The following ZFHX3 variants were observed in gnomAD, a reference collection of about 807,000 sequenced individuals.
ZFHX3 encodes zinc finger homeobox protein 3.
Under a neutral mutation model 279.1 loss-of-function variants are expected in ZFHX3, and 42 were observed. That is an observed-to-expected ratio of 0.15 (90% CI 0.12 to 0.19). The LOEUF (loss-of-function observed/expected upper bound fraction) is 0.19. Among genes scored for constraint, ZFHX3 ranks in the 10% least tolerant of loss-of-function variants. The pLI is 1.00. For synonymous variants in ZFHX3, 2,293 were observed against 1,957.8 expected (o/e 1.17, Z -4.52); for missense variants, 4,981 against 4,754.0 (o/e 1.05, Z -1.40).
intron 2 of ZFHX3, among the ~76,000 whole-genome samples, chr16:73,539,528 C>G (rs891142184): frequency 7.0e-6 from 1 of 143,408 alleles, no homozygotes; most frequent in Non-Finnish European, 1.5e-5. Flanking sequence ...ACTCCTTTTC[C>G]CTCTCTGTTT....
At chr16:73,704,121 G>T (rs911913892) in intron 1 of ZFHX3, among the ~76,000 whole-genome samples, 2 of 152,128 alleles carry the variant, frequency 1.3e-5, no homozygotes, top group African/African-American at 4.8e-5. Flanking sequence ...AGGGTGGTAT[G>T]GCCGTAAACA....
chr16:72,928,423 C>T (rs1010400116), intron 3 of ZFHX3, among the ~76,000 whole-genome samples: 2 of 151,840 alleles, frequency 1.3e-5, no homozygotes, highest in South Asian at 2.1e-4. Flanking sequence ...CATGCAAAAG[C>T]GCCCCCACCA....
At chr16:73,697,454 A>G (rs1472460849) in intron 1 of ZFHX3, among the ~76,000 whole-genome samples, 2 of 152,202 alleles carry the variant, frequency 1.3e-5, no homozygotes, top group Non-Finnish European at 2.9e-5. Flanking sequence ...CTTCCCAATT[A>G]TTAATTACAT....
intron 3 of ZFHX3, among the ~76,000 whole-genome samples, chr16:73,342,702 T>C (rs923399457): frequency 6.6e-5 from 10 of 152,036 alleles, no homozygotes; most frequent in Admixed American, 5.2e-4. Flanking sequence ...CTGCAAGAGG[T>C]GGGTAGGTAC....
intron 4 of ZFHX3, among the ~76,000 whole-genome samples, chr16:73,296,069 C>CGTGTGTGT (rs58283675): frequency 4.0e-5 from 6 of 149,084 alleles, no homozygotes; most frequent in Admixed American, 6.7e-5. Context: ...ATTACAATCC[C>CGTGTGTGT]GTGTGTGTGT....
intron 1 of ZFHX3, among the ~76,000 whole-genome samples, chr16:72,982,234 T>C (rs1962637876): frequency 6.6e-6 from 1 of 152,280 alleles, no homozygotes; most frequent in South Asian, 2.1e-4. Flanking sequence ...TCTTTTTAAA[T>C]AGAATGGGAA....
chr16:73,785,421 T>C (rs1305480537), intron 1 of ZFHX3, among the ~76,000 whole-genome samples: 1 of 152,204 alleles, frequency 6.6e-6, no homozygotes, highest in South Asian at 2.1e-4. Context: ...ATTTTTTGTT[T>C]CTCAGAGATA....
intron 2 of ZFHX3, among the ~76,000 whole-genome samples, chr16:73,527,629 A>C (rs1439353860): frequency 1.3e-5 from 2 of 152,194 alleles, no homozygotes; most frequent in Admixed American, 6.5e-5. Flanking sequence ...CTAAGCTACT[A>C]AAAGGCTGTG....
chr16:73,527,750 T>G (rs549350554), intron 2 of ZFHX3, among the ~76,000 whole-genome samples: 1 of 152,248 alleles, frequency 6.6e-6, no homozygotes, highest in Admixed American at 6.5e-5. Context: ...CAGGAATGCA[T>G]AGCTCCAGCC....
chr16:73,030,532 G>A (rs149349297), intron 1 of ZFHX3, among the ~76,000 whole-genome samples: 13 of 152,300 alleles, frequency 8.5e-5, no homozygotes, highest in African/African-American at 2.4e-4. Flanking sequence ...CAATAGAGCC[G>A]GGGTTATATT....
intron 4 of ZFHX3, among the ~76,000 whole-genome samples, chr16:72,885,472 T>A (rs1269716323): frequency 6.6e-6 from 1 of 152,264 alleles, no homozygotes; most frequent in East Asian, 1.9e-4. Flanking sequence ...TCACATGGGT[T>A]GGCAGGCTAC....
intron 2 of ZFHX3, among the ~76,000 whole-genome samples, chr16:73,526,838 G>A (rs924385009): frequency 4.6e-5 from 7 of 151,752 alleles, no homozygotes; most frequent in African/African-American, 1.7e-4. Context: ...CAGGGCAAAT[G>A]ACCATTCGAA....
At chr16:73,027,069 G>A (rs1236017825) in intron 1 of ZFHX3, among the ~76,000 whole-genome samples, 2 of 152,230 alleles carry the variant, frequency 1.3e-5, no homozygotes, top group African/African-American at 2.4e-5. Context: ...GCTGCTGTTT[G>A]CCAATGAACA....
At chr16:73,204,602 C>T (rs113855509) in intron 5 of ZFHX3, among the ~76,000 whole-genome samples, 34 of 152,296 alleles carry the variant, frequency 2.2e-4, no homozygotes, top group African/African-American at 8.2e-4. Flanking sequence ...CCACTCACCT[C>T]CTGCTGTGTG....
chr16:73,823,630 G>A (rs181955629), intron 1 of ZFHX3, among the ~76,000 whole-genome samples: 36 of 152,150 alleles, frequency 2.4e-4, no homozygotes, highest in Middle Eastern at 3.4e-3. Context: ...ATTCATTTAC[G>A]CATTGTCTAG....
At chr16:73,048,289 A>G (rs1266710877), upstream of ZFHX3, 2 of 151,688 alleles carry the variant, frequency 1.3e-5, no homozygotes, top group Non-Finnish European at 2.9e-5. Context: ...CCTGACATCT[A>G]CAGTCGTGCC....
intron 1 of ZFHX3, among the ~76,000 whole-genome samples, chr16:73,726,742 C>A (rs944486378): frequency 2.4e-4 from 37 of 152,190 alleles, no homozygotes; most frequent in Non-Finnish European, 1.9e-4. Context: ...ACAACCAGAT[C>A]TTGTGGGAAA....
chr16:72,867,660 T>A (rs1280709218), intron 4 of ZFHX3, among the ~76,000 whole-genome samples: 2 of 152,198 alleles, frequency 1.3e-5, no homozygotes, highest in Non-Finnish European at 2.9e-5. Context: ...TGCAGTCATT[T>A]CCTGTCAAGT....
intron 7 of ZFHX3, among the ~76,000 whole-genome samples, chr16:72,802,278 GAAAA>G (rs1041563837): frequency 2.0e-5 from 3 of 146,464 alleles, no homozygotes; most frequent in African/African-American, 5.0e-5. Flanking sequence ...CGGCAAAAAA[GAAAA>G]AAAAAAGACA....
Sources: allele counts gnomAD v4.1 joint callset (sites outside exome capture counted in the v4.1 genomes callset), GRCh38; gene constraint gnomAD v4.1.1; transcripts MANE v1.5; gene names NCBI Gene and HGNC (gene_info 2026-07-23, HGNC 2026-07-21).